RNF150: variants seen among roughly 807,000 people sequenced by gnomAD.
RNF150 encodes ring finger protein 150.
A neutral mutation model predicts 39.3 loss-of-function variants in RNF150; 24 were observed. That is an observed-to-expected ratio of 0.61 (90% CI 0.44 to 0.86). The LOEUF is 0.86. Ranked by LOEUF, RNF150 falls within the 40% of genes least tolerant of loss-of-function variation. The probability of loss-of-function intolerance (pLI) is 0.00; values close to 1 mark genes in which losing one functional copy is unlikely to be tolerated. For synonymous variants in RNF150, 255 were observed against 227.3 expected, an observed-to-expected ratio of 1.12 and a Z score of -1.10; for missense variants, 502 against 587.8, an observed-to-expected ratio of 0.85 and a Z score of 1.51.
intron 5 of RNF150, among the ~76,000 whole-genome samples, chr4:140,912,029 T>C (rs564478421): frequency 2.0e-5 from 3 of 152,344 alleles, no homozygotes; most frequent in Admixed American, 1.3e-4. Flanking sequence ...CCTTGTTCAA[T>C]TGCCCATTGA....
intron 1 of RNF150, among the ~76,000 whole-genome samples, chr4:141,115,225 T>C (rs1375147972): frequency 1.3e-5 from 2 of 152,338 alleles, no homozygotes; most frequent in Admixed American, 6.5e-5. Context: ...GACTACATGA[T>C]TGTATGTTTA....
intron 1 of RNF150, among the ~76,000 whole-genome samples, chr4:141,046,543 G>A (rs903782434): frequency 1.3e-5 from 2 of 152,112 alleles, no homozygotes; most frequent in African/African-American, 4.8e-5. Flanking sequence ...TGAGTCATTG[G>A]TTCCATATCT....
At chr4:140,934,361 T>G (rs1731758177) in intron 4 of RNF150, among the ~76,000 whole-genome samples, 1 of 152,048 alleles carries the variant, frequency 6.6e-6, no homozygotes, top group African/African-American at 2.4e-5. Context: ...AGCTGCAATA[T>G]AGCACCAGTA....
At chr4:141,005,821 C>T (rs1734843518) in intron 1 of RNF150, among the ~76,000 whole-genome samples, 1 of 130,078 alleles carries the variant, frequency 7.7e-6, no homozygotes, top group Admixed American at 7.6e-5. Context: ...GTAATCCCAG[C>T]ACTTTGGGAG....
At chr4:140,988,048 T>A (rs572850480) in intron 1 of RNF150, among the ~76,000 whole-genome samples, 1 of 152,160 alleles carries the variant, frequency 6.6e-6, no homozygotes, top group East Asian at 1.9e-4. Flanking sequence ...CAAACCACAA[T>A]GAGATACCAT....
At chr4:140,956,231 G>A (rs1479350189) in intron 2 of RNF150, among the ~76,000 whole-genome samples, 1 of 152,178 alleles carries the variant, frequency 6.6e-6, no homozygotes, top group African/African-American at 2.4e-5. Flanking sequence ...ACAAAAGACA[G>A]GGATACCTGC....
At chr4:141,030,693 T>C (rs1560698489) in intron 1 of RNF150, among the ~76,000 whole-genome samples, 1 of 152,170 alleles carries the variant, frequency 6.6e-6, no homozygotes, top group Non-Finnish European at 1.5e-5. Flanking sequence ...CAGATTATAC[T>C]AAATAAGATA....
intron 1 of RNF150, among the ~76,000 whole-genome samples, chr4:141,176,460 C>A (rs1171908012): frequency 6.6e-6 from 1 of 152,116 alleles, no homozygotes; most frequent in Non-Finnish European, 1.5e-5. Context: ...CCCATCCAGT[C>A]CTTAGTGGTA....
In RNF150 at chr4:141,148,404, G is replaced by T. The variant is rs115350564; in HGVS notation, c.-6+64390C>A. Among the ~76,000 whole-genome samples the T allele has an allele frequency of 6.9e-3, 1,056 of 152,208 alleles. 12 individuals are homozygous for T. The highest frequency in any genetic ancestry group is 0.024 in the African/African-American group (998 of 41,524). On this transcript the variant is annotated intron_variant, in intron 1 of 7. Coordinates refer to the RNF150 transcript ENST00000420921. ...TTATAACATGTTTTTATTTCTGTCA[G>T]TAACTGCCCCTGGACAACAGCTTTA...
At chr4:140,982,442 A>G (rs1733890564) in intron 1 of RNF150, among the ~76,000 whole-genome samples, 2 of 152,034 alleles carry the variant, frequency 1.3e-5, no homozygotes, top group Non-Finnish European at 2.9e-5. Flanking sequence ...GCTGTTCAAG[A>G]AAGTGTTTTT....
At chr4:140,958,696 G>A (rs1357965694) in intron 2 of RNF150, among the ~76,000 whole-genome samples, 2 of 152,004 alleles carry the variant, frequency 1.3e-5, no homozygotes, top group East Asian at 1.9e-4. Context: ...TCTGGTACAC[G>A]GGTTCTCAGG....
chr4:141,144,819 C>T (rs1193543765), intron 1 of RNF150, among the ~76,000 whole-genome samples: 1 of 151,856 alleles, frequency 6.6e-6, no homozygotes, highest in Non-Finnish European at 1.5e-5. Flanking sequence ...TCTTAAAAGG[C>T]CTGGAAGTAG....
intron 1 of RNF150, among the ~76,000 whole-genome samples, chr4:141,169,122 G>C (rs1727656216): frequency 6.6e-6 from 1 of 152,112 alleles, no homozygotes; most frequent in African/African-American, 2.4e-5. Context: ...CCTGGTGGGA[G>C]GTGGTTAGAT....
At chr4:141,091,624 G>T (rs779531017) in intron 1 of RNF150, among the ~76,000 whole-genome samples, 8 of 152,162 alleles carry the variant, frequency 5.3e-5, no homozygotes, top group Non-Finnish European at 1.0e-4. Context: ...CCACTGGACC[G>T]GTACACAGGA....
At chr4:141,117,961 T>C (rs1041530940) in intron 1 of RNF150, among the ~76,000 whole-genome samples, 1 of 152,218 alleles carries the variant, frequency 6.6e-6, no homozygotes, top group African/African-American at 2.4e-5. Flanking sequence ...TTTTTCCTCA[T>C]AGTGTGTTCT....
intron 1 of RNF150, among the ~76,000 whole-genome samples, chr4:141,010,467 C>A (rs1735034514): frequency 6.6e-6 from 1 of 152,146 alleles, no homozygotes; most frequent in Admixed American, 6.5e-5. Flanking sequence ...TTGCAGTCCT[C>A]CAGGCAACAG....
chr4:141,190,433 T>C (rs1030150429), intron 1 of RNF150, among the ~76,000 whole-genome samples: 1 of 152,198 alleles, frequency 6.6e-6, no homozygotes, highest in Non-Finnish European at 1.5e-5. Context: ...GTCTGTGACC[T>C]GAGGACATCC....
intron 1 of RNF150, among the ~76,000 whole-genome samples, chr4:141,200,988 A>G (rs1728281065): frequency 6.6e-6 from 1 of 151,960 alleles, no homozygotes. Context: ...AATCTCAACT[A>G]GATTAAACAG....
At chr4:140,900,446 T>G (rs1730149444) in intron 6 of RNF150, among the ~76,000 whole-genome samples, 1 of 99,014 alleles carries the variant, frequency 1.0e-5, no homozygotes, top group Non-Finnish European at 2.3e-5. Context: ...ATCATGGTCA[T>G]AAAGACTATA....
Sources: gnomAD v4.1 joint callset for allele counts (sites outside exome capture counted in the v4.1 genomes callset) on GRCh38, gnomAD v4.1.1 for gene constraint, MANE v1.5 for transcripts, NCBI Gene and HGNC (gene_info 2026-07-23, HGNC 2026-07-21) for gene names.